The following CD47 variants were observed in gnomAD, a reference collection of about 807,000 sequenced individuals.
CD47 encodes CD47 molecule.
CD47 carries 11 observed loss-of-function variants against 44.6 expected under a neutral mutation model. That is an observed-to-expected ratio of 0.25 (90% CI 0.16 to 0.41). The LOEUF (loss-of-function observed/expected upper bound fraction) is 0.41. Among genes scored for constraint, CD47 ranks in the 10% least tolerant of loss-of-function variants. The pLI, the probability that CD47 is intolerant of heterozygous loss-of-function variation, is 1.00. For synonymous variants in CD47, 140 were observed against 136.3 expected (o/e 1.03, Z -0.19); for missense variants, 306 against 386.7 (o/e 0.79, Z 1.75).
chr3:108,063,722 T>C lies in CD47; in HGVS notation c.491-2870A>G, dbSNP rs566592364. On this transcript the variant is annotated intron_variant, in intron 3 of 10. Transcript: ENST00000361309. ...ATGTGTTGTTAACAGCAGGCTCTTA[T>C]CAAATTTTCTAGTATGACTTTCAGA... 3.6e-4 allele frequency among the ~76,000 whole-genome samples: 55 copies of C among 152,350 alleles called. 1 individual carries two copies. Among genetic ancestry groups the C allele is most frequent in the Admixed American group, 3.1e-3 (48 of 15,308 alleles).
At position 108,071,128 on chromosome 3, in the gene CD47, G is replaced by T; in HGVS notation, c.455C>A (p.Ala152Asp). ...AAACTGTCCCCAGAACAGGAGTATAGCAAAAATTGGGAAAATAACAATAAG... is the reference window on the plus strand; with the variant it reads ...AAACTGTCCCCAGAACAGGAGTATATCAAAAATTGGGAAAATAACAATAAG... ...NILIVIFPIF[A>D]ILLFWGQFGI... The change falls in exon 3 of 11, where the codon GCT (alanine) becomes GAT (aspartate). Residue 152 changes from alanine to aspartate, a missense_variant. Around this residue, in one of 5 missense-constraint regions of CD47, gnomAD observed 65 missense variants for 119.9 expected, o/e 0.54. Transcript: ENST00000361309. 1 of 1,496,038 alleles carries T rather than the reference G, an allele frequency of 6.7e-7. No individual in the cohort carries two copies. 92.7% of individuals were successfully genotyped at this position (1,496,038 alleles called of 1,614,324 possible).
intron 2 of CD47, among the ~76,000 whole-genome samples, chr3:108,079,775 T>C (rs2079381866): frequency 6.6e-6 from 1 of 151,716 alleles, no homozygotes; most frequent in Non-Finnish European, 1.5e-5. Context: ...TAACAAGTAA[T>C]ACAAATTAAA....
intron 3 of CD47, among the ~76,000 whole-genome samples, chr3:108,067,127 T>A (rs2079117113): frequency 6.6e-6 from 1 of 152,228 alleles, no homozygotes; most frequent in Admixed American, 6.5e-5. Context: ...TTCTCGATGT[T>A]TCTAATGATT....
rs1245768380 is a variant in CD47, at chr3:108,043,617, T to C, written c.*3671A>G. Reference sequence around the variant, plus strand: ...CTCTTTATTTAGAATGGTTAATAGATATTTATACGATGTGGGATCTAATTC... The same window carrying C: ...CTCTTTATTTAGAATGGTTAATAGACATTTATACGATGTGGGATCTAATTC... On this transcript the variant is annotated 3_prime_UTR_variant, in exon 11 of 11. Coordinates refer to ENST00000361309, the MANE Select transcript of CD47 (RefSeq NM_001777.4). 1 of 152,640 alleles carries C rather than the reference T, an allele frequency of 6.6e-6. No individual in the cohort carries two copies. The highest frequency in any genetic ancestry group is 1.5e-5 in the Non-Finnish European group (1 of 68,030). The allele number at this position is 152,640 out of a possible 1,614,324, so 9.5% of individuals were successfully genotyped here.
chr3:108,055,466 A>G, intron 7 of CD47: 1 of 991,476 alleles, frequency 1.0e-6, no homozygotes, highest in Admixed American at 2.4e-5. Flanking sequence ...TAAGCAAACC[A>G]TATTAATGTT....
At chr3:108,082,983 A>C (rs1379877576) in intron 1 of CD47, among the ~76,000 whole-genome samples, 1 of 152,030 alleles carries the variant, frequency 6.6e-6, no homozygotes, top group Non-Finnish European at 1.5e-5. Flanking sequence ...AAAACTATTA[A>C]GTAGTAAAAC....
intron 2 of CD47, among the ~76,000 whole-genome samples, chr3:108,078,800 C>A (rs1022246121): frequency 6.6e-6 from 1 of 152,148 alleles, no homozygotes; most frequent in Admixed American, 6.6e-5. Context: ...CAACTTGATA[C>A]CTTACTTCAT....
intron 2 of CD47, among the ~76,000 whole-genome samples, chr3:108,078,617 C>A (rs1444043155): frequency 6.6e-6 from 1 of 151,916 alleles, no homozygotes; most frequent in Non-Finnish European, 1.5e-5. Flanking sequence ...GTATACTTAA[C>A]AACAACAAAA....
intron 2 of CD47, among the ~76,000 whole-genome samples, chr3:108,079,429 A>G (rs1381744369): frequency 2.0e-5 from 3 of 151,890 alleles, no homozygotes. Flanking sequence ...GCCAACAAAA[A>G]GAAGACCAAA....
Position 108,081,684 on chromosome 3 carries a change from G to A in CD47, c.47-1340C>T, listed in dbSNP as rs1430685315. Among the ~76,000 whole-genome samples the A allele has an allele frequency of 3.9e-5, 6 of 152,050 alleles. No individual in the cohort carries two copies. In the East Asian group the frequency reaches 1.2e-3, roughly 29 times the overall value. ...CTAAAATAGGAGGATCTCTTAAGTA[G>A]GAGGATCAAAAACAAACACCGGGCT... On this transcript the variant is annotated intron_variant, in intron 1 of 10. Coordinates refer to ENST00000361309, the MANE Select transcript of CD47 (RefSeq NM_001777.4).
intron 3 of CD47, among the ~76,000 whole-genome samples, chr3:108,067,697 T>C (rs1157273944): frequency 6.6e-6 from 1 of 152,200 alleles, no homozygotes; most frequent in African/African-American, 2.4e-5. Flanking sequence ...TGCTTAAAAG[T>C]TCCTAAGTTA....
chr3:108,066,468 T>C (rs1223436253), intron 3 of CD47, among the ~76,000 whole-genome samples: 3 of 152,216 alleles, frequency 2.0e-5, no homozygotes, highest in East Asian at 3.8e-4. Context: ...AAAATAACTA[T>C]GTAAATAGCA....
chr3:108,080,357 A>G lies in CD47; in HGVS notation c.47-13T>C. On this transcript the variant is annotated splice_polypyrimidine_tract_variant and intron_variant, in intron 1 of 10. Coordinates refer to ENST00000361309, the MANE Select transcript of CD47 (RefSeq NM_001777.4). ...AGCTGAGCTGATCCTGGAAAGGAAA[A>G]AGAAAAATGTTTCATTAATTATAGA... The G allele has an allele frequency of 2.2e-6, 3 of 1,388,146 alleles. No homozygotes were observed. Among genetic ancestry groups the G allele is most frequent in the Non-Finnish European group, 3.0e-6 (3 of 993,504 alleles). The allele number at this position is 1,388,146 out of a possible 1,614,324, so 86.0% of individuals were successfully genotyped here.
In CD47 at chr3:108,079,996, C is replaced by G; in HGVS notation, c.395G>C (p.Arg132Pro). ...AGCTTTCATAGAAGTCTTACCAACA[C>G]GATATTTTAGCTCGATGATCGTTTC... is the stretch of plus-strand genomic sequence containing the variant. ...EGETIIELKY[R>P]VVSWFSPNEN... The change falls in exon 2 of 11, where the codon CGT becomes CCT. Residue 132 changes from arginine (R) to proline (P), a missense_variant. Around this residue, in one of 5 missense-constraint regions of CD47, gnomAD observed 65 missense variants for 119.9 expected, o/e 0.54. Coordinates refer to ENST00000361309, the MANE Select transcript of CD47 (RefSeq NM_001777.4). 1 of 1,602,274 alleles carries G rather than the reference C, an allele frequency of 6.2e-7. No homozygotes were observed.
chr3:108,054,897 G>C (rs1385766943), intron 7 of CD47, among the ~76,000 whole-genome samples: 1 of 152,082 alleles, frequency 6.6e-6, no homozygotes, highest in Non-Finnish European at 1.5e-5. Flanking sequence ...AACTGGTAAT[G>C]GCTTTAAAAA....
At chr3:108,047,371 A>C in intron 10 of CD47, 79 bp from the exon 11 acceptor site, 1 of 1,121,116 alleles carries the variant, frequency 8.9e-7, no homozygotes. Flanking sequence ...CATTAAAAAA[A>C]GTTTCAGATA....
intron 1 of CD47, 42 bp downstream of exon 1, chr3:108,090,798 CAGCCCACACGCCCGCGGGGGCGA>C: frequency 7.2e-7 from 1 of 1,392,462 alleles, no homozygotes. Flanking sequence ...GGCTGGGGCG[CAGCCCACACGCCCGCGGGGGCGA>C]AGCGACAGCA....
intron 2 of CD47, among the ~76,000 whole-genome samples, chr3:108,072,464 C>T (rs1281272845): frequency 6.6e-6 from 1 of 152,200 alleles, no homozygotes; most frequent in African/African-American, 2.4e-5. Context: ...TAGATATTAG[C>T]TTTTCAGAAT....
intron 7 of CD47, among the ~76,000 whole-genome samples, chr3:108,057,079 A>T (rs1225199809): frequency 6.6e-6 from 1 of 152,202 alleles, no homozygotes; most frequent in African/African-American, 2.4e-5. Flanking sequence ...GCTCTATCAC[A>T]GAAACACTGG....
Sources: gnomAD v4.1 joint callset for allele counts (sites outside exome capture counted in the v4.1 genomes callset) on GRCh38, gnomAD v4.1.1 for gene constraint, gnomAD v4.1.1 regional missense constraint, MANE v1.5 for transcripts, NCBI Gene and HGNC (gene_info 2026-07-23, HGNC 2026-07-21) for gene names.